Variants in USH2A observed in about 807,000 individuals in gnomAD.
The protein encoded by USH2A is usherin, also known as Usher syndrome 2A (autosomal recessive, mild).
A neutral mutation model predicts 538.9 loss-of-function variants in USH2A; 443 were observed. The observed-to-expected ratio is 0.82, with a 90% confidence interval of 0.76 to 0.89. USH2A has a LOEUF of 0.89. USH2A is among the 40% of genes least tolerant of loss of function. USH2A has a pLI of 0.00. For missense variants in USH2A, 6,633 were observed against 6,324.8 expected, an observed-to-expected ratio of 1.05 and a Z score of -1.65; for synonymous variants, 2,413 against 2,273.5, an observed-to-expected ratio of 1.06 and a Z score of -1.75.
rs1187635925 is a variant in USH2A at position 216,199,770 on chromosome 1, C to T, written c.3668G>A (p.Cys1223Tyr). 6.2e-7 allele frequency: 1 copy of T among 1,613,984 alleles called. No homozygotes were observed. Among genetic ancestry groups the T allele is most frequent in the African/African-American group, 1.3e-5 (1 of 74,920 alleles). Residue 1223 changes from cysteine (C) to tyrosine (Y), a missense_variant, in exon 17 of 72, where the codon TGT (cysteine) becomes TAT (tyrosine). By Grantham distance (194) the Cys-to-Tyr change is radical. Coordinates refer to ENST00000307340, the MANE Select transcript of USH2A (RefSeq NM_206933.4). ...FAKYDFSVQACTSGGCLHSLP... is the reference protein window; with the variant it reads ...FAKYDFSVQAYTSGGCLHSLP... Reference sequence around the variant, plus strand: ...GCTGTGTAAACAGCCCCCGCTAGTACACGCCTGTACAGAAAAATCGTACTT... The same window carrying T: ...GCTGTGTAAACAGCCCCCGCTAGTATACGCCTGTACAGAAAAATCGTACTT...
At chr1:216,181,462 G>C (rs2034493564) in intron 20 of USH2A, among the ~76,000 whole-genome samples, 1 of 151,982 alleles carries the variant, frequency 6.6e-6, no homozygotes, top group African/African-American at 2.4e-5. Context: ...ATACAAATAT[G>C]ATTTGTCTAT....
intron 69 of USH2A, 92 bp downstream of exon 69, chr1:215,639,063 T>G: frequency 8.4e-7 from 1 of 1,187,376 alleles, no homozygotes; most frequent in South Asian, 1.2e-5. Context: ...TATGCTAATA[T>G]ATTAGGACTC....
At chr1:215,915,395 A>C (rs1665925499) in intron 38 of USH2A, among the ~76,000 whole-genome samples, 1 of 152,106 alleles carries the variant, frequency 6.6e-6, no homozygotes. Context: ...AGTGTTTTGA[A>C]AGAATGCAAG....
chr1:215,689,848 C>T (rs550635924), intron 61 of USH2A, among the ~76,000 whole-genome samples: 1 of 152,304 alleles, frequency 6.6e-6, no homozygotes, highest in South Asian at 2.1e-4. Context: ...AACAGACACC[C>T]TAATTGTAGC....
At chr1:216,004,368 G>C (rs909877774) in intron 32 of USH2A, among the ~76,000 whole-genome samples, 5 of 152,134 alleles carry the variant, frequency 3.3e-5, no homozygotes, top group African/African-American at 1.2e-4. Flanking sequence ...AGGAGACAGA[G>C]AGTGACCAGT....
rs1284750889 is a variant in USH2A at position 216,311,549 on chromosome 1, T to C, written c.1644+10334A>G. Among the ~76,000 whole-genome samples the C allele has an allele frequency of 3.3e-5, 5 of 152,104 alleles. No homozygotes were observed. The South Asian group carries it at 1.0e-3, about 32-fold the overall frequency. On this transcript the variant is annotated intron_variant, in intron 9 of 71. Transcript: ENST00000307340. ...ATTTCTGGTGATAATCTCAGCAATGTATATTTGTTAATTTTTCTTTTTGGC... is the reference window on the plus strand; with the variant it reads ...ATTTCTGGTGATAATCTCAGCAATGCATATTTGTTAATTTTTCTTTTTGGC...
chr1:216,056,195 T>C (rs772142845), intron 30 of USH2A, among the ~76,000 whole-genome samples: 1 of 152,222 alleles, frequency 6.6e-6, no homozygotes, highest in Non-Finnish European at 1.5e-5. Flanking sequence ...CCAATAAGTT[T>C]GAAGCCACGT....
rs568323126 is a variant in USH2A at position 215,772,363 on chromosome 1, A to G, written c.10940-5575T>C. On this transcript the variant is annotated intron_variant, in intron 55 of 71. Transcript: ENST00000307340. ...TAGAAGAGTAGGAAATAGCACTTGT[A>G]GAGTACAGAAAGGCAAACACATGGA... 7.9e-5 allele frequency among the ~76,000 whole-genome samples: 12 copies of G among 152,352 alleles called. No individual in the cohort carries two copies. The South Asian group carries it at 1.2e-3, about 16-fold the overall frequency.
intron 36 of USH2A, among the ~76,000 whole-genome samples, chr1:215,967,668 C>A (rs1168456005): frequency 6.6e-6 from 1 of 151,746 alleles, no homozygotes; most frequent in Non-Finnish European, 1.5e-5. Context: ...GCAGACTTCC[C>A]CTATAGCGTT....
intron 11 of USH2A, among the ~76,000 whole-genome samples, chr1:216,262,283 G>A (rs1431047380): frequency 5.9e-5 from 9 of 151,914 alleles, no homozygotes; most frequent in Admixed American, 5.9e-4. Context: ...AGGAAACTCA[G>A]CAAGATAGAA....
chr1:216,177,638 C>A (rs2034416461), intron 20 of USH2A, among the ~76,000 whole-genome samples: 1 of 152,136 alleles, frequency 6.6e-6, no homozygotes, highest in Non-Finnish European at 1.5e-5. Flanking sequence ...TACACTGGGA[C>A]CTTGCCATCC....
chr1:216,063,976 C>G (rs1436739471), intron 30 of USH2A, among the ~76,000 whole-genome samples: 1 of 152,110 alleles, frequency 6.6e-6, no homozygotes, highest in Non-Finnish European at 1.5e-5. Flanking sequence ...ATGATTTACT[C>G]AAGTTTTGGT....
Position 215,623,503 on chromosome 1 carries a change from A to T in USH2A, c.*2278T>A, listed in dbSNP as rs1005375944. 1 of 151,310 alleles carries T rather than the reference A, an allele frequency of 6.6e-6. No homozygotes were observed. The highest frequency in any genetic ancestry group is 1.9e-4 in the East Asian group (1 of 5,188). 9.4% of individuals were successfully genotyped at this position (151,310 alleles called of 1,614,324 possible). A position where few individuals can be genotyped will look rare whatever the true frequency, so the allele number is the denominator to read the frequency against. Reference sequence around the variant, plus strand: ...CTAGAGGCGAGTCTGCATGGTTTGTATAATAGAGGCTTGGCACGCAATACC... The same window carrying T: ...CTAGAGGCGAGTCTGCATGGTTTGTTTAATAGAGGCTTGGCACGCAATACC... On this transcript the variant is annotated 3_prime_UTR_variant, in exon 72 of 72. Transcript: ENST00000307340.
chr1:216,023,790 T>C (rs1668900765), intron 32 of USH2A, among the ~76,000 whole-genome samples: 1 of 152,104 alleles, frequency 6.6e-6, no homozygotes, highest in Admixed American at 6.6e-5. Context: ...TAAAAGGGAT[T>C]ATGCTTTTAT....
intron 21 of USH2A, among the ~76,000 whole-genome samples, chr1:216,126,349 G>A (rs545352808): frequency 6.6e-6 from 1 of 151,992 alleles, no homozygotes; most frequent in Admixed American, 6.6e-5. Context: ...TCAGCCTCCC[G>A]GGTAACTGGG....
chr1:215,644,344 G>A (rs1160065380), intron 67 of USH2A, among the ~76,000 whole-genome samples: 1 of 152,144 alleles, frequency 6.6e-6, no homozygotes, highest in Non-Finnish European at 1.5e-5. Context: ...CTGGGTGGAG[G>A]GGTATACACT....
At chr1:215,876,479 A>C (rs1664778583) in intron 43 of USH2A, among the ~76,000 whole-genome samples, 1 of 152,202 alleles carries the variant, frequency 6.6e-6, no homozygotes, top group African/African-American at 2.4e-5. Flanking sequence ...TGATTGAGCT[A>C]ACCTATTTTT....
chr1:215,933,679 T>C (rs1399039640), intron 38 of USH2A, among the ~76,000 whole-genome samples: 3 of 151,980 alleles, frequency 2.0e-5, no homozygotes, highest in South Asian at 2.1e-4. Context: ...TCTTCATAAC[T>C]GGAAGTGGGG....
chr1:215,724,829 T>C (rs1659764286), intron 61 of USH2A, among the ~76,000 whole-genome samples: 1 of 152,140 alleles, frequency 6.6e-6, no homozygotes, highest in Admixed American at 6.5e-5. Context: ...ATATTGAATA[T>C]AGTACTCAAT....
Sources: allele counts gnomAD v4.1 joint callset (sites outside exome capture counted in the v4.1 genomes callset), GRCh38; gene constraint gnomAD v4.1.1; transcripts MANE v1.5; gene names NCBI Gene and HGNC (gene_info 2026-07-23, HGNC 2026-07-21).